Variants in ZNF451 observed in about 807,000 individuals in gnomAD.
ZNF451 encodes the protein zinc finger protein 451.
Under a neutral mutation model 107.1 loss-of-function variants are expected in ZNF451, and 80 were observed. That is an observed-to-expected ratio of 0.75 (90% CI 0.62 to 0.90). The LOEUF (loss-of-function observed/expected upper bound fraction) is 0.90, where lower values mean the gene tolerates loss of function less well. ZNF451 is among the 40% of genes least tolerant of loss of function. The pLI, the probability that ZNF451 is intolerant of heterozygous loss-of-function variation, is 0.00. For synonymous variants in ZNF451, 362 were observed against 406.5 expected (o/e 0.89, Z 1.32); for missense variants, 1,107 against 1,236.2 (o/e 0.90, Z 1.57).
chr6:57,098,156 G>A (rs963819002), intron 2 of ZNF451, among the ~76,000 whole-genome samples: 1 of 149,746 alleles, frequency 6.7e-6, no homozygotes, highest in African/African-American at 2.4e-5. Context: ...TTTTAGTAGA[G>A]ATGGAGTTTT....
At chr6:57,114,584 T>C (rs1050817156) in intron 3 of ZNF451, among the ~76,000 whole-genome samples, 1 of 152,154 alleles carries the variant, frequency 6.6e-6, no homozygotes, top group Admixed American at 6.5e-5. Context: ...ATTATACATA[T>C]AGGGACAAAA....
chr6:57,101,796 G>T, intron 3 of ZNF451: 1 of 1,550,562 alleles, frequency 6.4e-7, no homozygotes, highest in Non-Finnish European at 8.7e-7. Flanking sequence ...GGCAGGCCTG[G>T]CTTCGACTTA....
chr6:57,103,540 G>A (rs1829705659), intron 3 of ZNF451: 1 of 985,210 alleles, frequency 1.0e-6, no homozygotes, highest in Non-Finnish European at 1.2e-6. Context: ...TGGTATATCA[G>A]CCCTTAGATC....
chr6:57,128,691 G>T (rs1264455386), intron 4 of ZNF451, 38 bp from the exon 5 acceptor site: 1 of 1,396,012 alleles, frequency 7.2e-7, no homozygotes, highest in South Asian at 1.2e-5. Context: ...GGAAAACAGG[G>T]TAGTAATCTT....
chr6:57,163,107 A>C (rs1763741701), intron 14 of ZNF451, among the ~76,000 whole-genome samples: 1 of 152,132 alleles, frequency 6.6e-6, no homozygotes, highest in African/African-American at 2.4e-5. Context: ...TTTCTCTAAC[A>C]CCCTTCTTCT....
intron 14 of ZNF451, among the ~76,000 whole-genome samples, chr6:57,162,246 C>T (rs918983740): frequency 3.9e-5 from 6 of 152,128 alleles, no homozygotes; most frequent in African/African-American, 1.4e-4. Context: ...CACACACAAA[C>T]AGAATGGCCC....
chr6:57,111,937 C>T (rs1830135377), intron 3 of ZNF451, among the ~76,000 whole-genome samples: 1 of 152,134 alleles, frequency 6.6e-6, no homozygotes, highest in African/African-American at 2.4e-5. Flanking sequence ...GTTCTGTGTA[C>T]TTTGTATTTG....
intron 7 of ZNF451, among the ~76,000 whole-genome samples, chr6:57,140,660 C>A (rs940923818): frequency 1.3e-5 from 2 of 150,922 alleles, no homozygotes. Flanking sequence ...GAAAAAAAAA[C>A]CCAAAACTTA....
chr6:57,127,380 A>C (rs951354037), intron 4 of ZNF451, among the ~76,000 whole-genome samples: 1 of 152,234 alleles, frequency 6.6e-6, no homozygotes, highest in Non-Finnish European at 1.5e-5. Flanking sequence ...ATTAACATTC[A>C]TGAGAAGTAG....
intron 7 of ZNF451, among the ~76,000 whole-genome samples, chr6:57,140,086 TG>T (rs1831676625): frequency 6.6e-6 from 1 of 151,308 alleles, no homozygotes; most frequent in African/African-American, 2.4e-5. Flanking sequence ...AAATGGAAAA[TG>T]AGGCAGAGAA....
At chr6:57,163,623 T>C (rs1593178249) in intron 14 of ZNF451, among the ~76,000 whole-genome samples, 2 of 150,354 alleles carry the variant, frequency 1.3e-5, no homozygotes, top group African/African-American at 4.9e-5. Context: ...GCTAATTTTT[T>C]GTATTTTTAG....
chr6:57,166,034 T>A (rs929126861), intron 14 of ZNF451, among the ~76,000 whole-genome samples: 3 of 148,638 alleles, frequency 2.0e-5, no homozygotes, highest in Non-Finnish European at 3.0e-5. Flanking sequence ...CTATACTACT[T>A]TTTTTTTTTT....
intron 3 of ZNF451, chr6:57,099,476 A>G (rs1451226495): frequency 2.8e-6 from 2 of 717,052 alleles, no homozygotes; most frequent in Admixed American, 2.0e-5. Context: ...CAGGTGCCCT[A>G]TACAACAGGA....
intron 3 of ZNF451, chr6:57,104,099 T>C: frequency 1.0e-6 from 1 of 984,640 alleles, no homozygotes; most frequent in Non-Finnish European, 1.2e-6. Flanking sequence ...TATTTTTCTG[T>C]ATTTTACTCA....
rs183313167 is a variant in ZNF451 at position 57,105,041 on chromosome 6, A to G, written c.186+5900A>G. The G allele has an allele frequency of 6.6e-5, 65 of 984,750 alleles. No homozygotes were observed. The African/African-American group carries it at 9.8e-4, about 15-fold the overall frequency. The allele number at this position is 984,750 out of a possible 1,614,324, so 61.0% of individuals were successfully genotyped here. ...AAATCTCTGGCATACTTGAATGATA[A>G]TGTTATAAAACTTAAAGTGAGGATT... is the stretch of plus-strand genomic sequence containing the variant. On this transcript the variant is annotated intron_variant, in intron 3 of 14. Transcript: ENST00000370706.
intron 14 of ZNF451, among the ~76,000 whole-genome samples, chr6:57,163,416 T>C (rs1048416464): frequency 1.2e-4 from 17 of 146,962 alleles, no homozygotes; most frequent in Non-Finnish European, 4.5e-5. Flanking sequence ...CACAAAATGG[T>C]TGCTTGTTAA....
At chr6:57,092,629 C>T (rs570375291) in intron 2 of ZNF451, among the ~76,000 whole-genome samples, 1 of 152,194 alleles carries the variant, frequency 6.6e-6, no homozygotes, top group African/African-American at 2.4e-5. Context: ...CTCTGGAATC[C>T]AATCCTATAT....
rs774116015 is a variant in ZNF451 at position 57,134,834 on chromosome 6, TACTC to T, written c.668_671del (p.Thr223AsnfsTer81). On this transcript the variant is annotated frameshift_variant, in exon 7 of 15. Transcript: ENST00000370706. LOFTEE classifies it high-confidence loss of function. ...GTGTAGTATGTTATAAAAAATTTGT[TACTC>T]AACAACAATATAGAGATCACCTTTT... 14 of 1,610,584 alleles carry T rather than the reference TACTC, an allele frequency of 8.7e-6. No homozygotes were observed. Among genetic ancestry groups the T allele is most frequent in the Admixed American group, 8.3e-5 (5 of 59,970 alleles).
At chr6:57,101,382 C>T in intron 3 of ZNF451, 2 of 1,550,680 alleles carry the variant, frequency 1.3e-6, no homozygotes, top group Non-Finnish European at 1.7e-6. Flanking sequence ...ATCCTTCTTC[C>T]TTCATGGGAC....
Sources: allele counts gnomAD v4.1 joint callset (sites outside exome capture counted in the v4.1 genomes callset), GRCh38; gene constraint gnomAD v4.1.1; transcripts MANE v1.5; gene names NCBI Gene and HGNC (gene_info 2026-07-23, HGNC 2026-07-21).